The following LINGO2 variants were observed in gnomAD, a reference collection of about 807,000 sequenced individuals.
LINGO2 encodes leucine rich repeat and Ig domain containing 2, also known as leucine-rich repeat and immunoglobulin-like domain-containing nogo receptor-interacting protein 2.
In LINGO2, 14 loss-of-function variants were observed where a neutral mutation model predicts 30.6. The observed-to-expected ratio is 0.46, with a 90% CI of 0.30 to 0.72. LINGO2 has a LOEUF of 0.72. LINGO2 is among the 30% of genes least tolerant of loss of function. The pLI is 0.07. For missense variants in LINGO2, 729 were observed against 751.7 expected, an observed-to-expected ratio of 0.97 and a Z score of 0.35; for synonymous variants, 317 against 288.5, an observed-to-expected ratio of 1.10 and a Z score of -1.00.
At chr9:28,423,941 A>G (rs1461054110) in intron 2 of LINGO2, among the ~76,000 whole-genome samples, 3 of 152,126 alleles carry the variant, frequency 2.0e-5, no homozygotes, top group Admixed American at 1.3e-4. Flanking sequence ...TATTTCCTAA[A>G]TCAGGTTTAA....
At chr9:28,331,473 A>C (rs924334472) in intron 3 of LINGO2, among the ~76,000 whole-genome samples, 2 of 152,128 alleles carry the variant, frequency 1.3e-5, no homozygotes, top group East Asian at 3.9e-4. Context: ...GATGCATATA[A>C]ATTCTTCCCA....
chr9:29,021,536 A>C, the LINGO2 span, among the ~76,000 whole-genome samples: 2 of 152,084 alleles, frequency 1.3e-5, no homozygotes, highest in Non-Finnish European at 2.9e-5. Context: ...GGGCACCTAT[A>C]ATTCCAGCTA....
intron 1 of LINGO2, among the ~76,000 whole-genome samples, chr9:28,497,686 G>T (rs1363790014): frequency 6.6e-6 from 1 of 152,148 alleles, no homozygotes; most frequent in African/African-American, 2.4e-5. Flanking sequence ...ATCCAGCTTT[G>T]TTCCGTTGCT....
Position 28,520,552 on chromosome 9 carries a change from G to A in LINGO2, c.-364-44527C>T, listed in dbSNP as rs112629623. 8.1e-3 allele frequency among the ~76,000 whole-genome samples: 1,227 copies of A among 152,040 alleles called. 18 individuals are homozygous for A. The highest frequency in any genetic ancestry group is 0.028 in the African/African-American group (1,155 of 41,466). On this transcript the variant is annotated intron_variant, in intron 1 of 5. Transcript: ENST00000379992. ...TATTTGAAGATTTTATTGTTGATAC[G>A]TTACTTGTCTGTATCACCCACTAGA...
chr9:28,034,779 T>C (rs1027675352), intron 4 of LINGO2, among the ~76,000 whole-genome samples: 11 of 152,274 alleles, frequency 7.2e-5, no homozygotes, highest in African/African-American at 2.7e-4. Flanking sequence ...ATGTATTTAA[T>C]AATTTAAACT....
At position 28,314,026 on chromosome 9, in the gene LINGO2, C is replaced by T. The variant is rs577762593; in HGVS notation, c.-245-18660G>A. ...TTGGCTCACTGCAGGCTCCACCCCGCGGGGTTCCCGCCATTCTCCTGCCTC... is the reference window on the plus strand; with the variant it reads ...TTGGCTCACTGCAGGCTCCACCCCGTGGGGTTCCCGCCATTCTCCTGCCTC... On this transcript the variant is annotated intron_variant, in intron 3 of 5. Coordinates refer to ENST00000379992, the Ensembl canonical transcript of LINGO2. 3.8e-3 allele frequency among the ~76,000 whole-genome samples: 572 copies of T among 152,180 alleles called. 6 individuals carry two copies. Among genetic ancestry groups the T allele is most frequent in the African/African-American group, 0.013 (524 of 41,560 alleles).
intron 1 of LINGO2, among the ~76,000 whole-genome samples, chr9:28,562,642 G>C (rs1006463504): frequency 4.6e-5 from 7 of 151,884 alleles, no homozygotes; most frequent in African/African-American, 1.4e-4. Flanking sequence ...GCAAAGGAAT[G>C]TGTCTTTATG....
chr9:28,171,372 C>A (rs1828576870), intron 4 of LINGO2, among the ~76,000 whole-genome samples: 1 of 152,096 alleles, frequency 6.6e-6, no homozygotes, highest in Non-Finnish European at 1.5e-5. Flanking sequence ...GTCCTGGCAA[C>A]CAGAACAGTT....
At chr9:28,521,507 GGCA>G (rs1820828583) in intron 1 of LINGO2, among the ~76,000 whole-genome samples, 1 of 152,116 alleles carries the variant, frequency 6.6e-6, no homozygotes, top group Non-Finnish European at 1.5e-5. Flanking sequence ...GTAGGCCTGT[GGCA>G]GCCAATTAGT....
intron 3 of LINGO2, among the ~76,000 whole-genome samples, chr9:28,362,672 G>A (rs948347901): frequency 6.6e-6 from 1 of 151,984 alleles, no homozygotes; most frequent in Admixed American, 6.6e-5. Flanking sequence ...GTTTCTCCAC[G>A]TTGGTCAGGC....
chr9:27,945,445 T>C (rs1295166000), downstream of LINGO2, among the ~76,000 whole-genome samples: 1 of 152,176 alleles, frequency 6.6e-6, no homozygotes, highest in East Asian at 1.9e-4. Context: ...AACTTCTGAA[T>C]GTGTTTTTCC....
intron 2 of LINGO2, among the ~76,000 whole-genome samples, chr9:28,432,959 TGAG>T (rs1823737378): frequency 6.6e-6 from 1 of 151,774 alleles, no homozygotes; most frequent in South Asian, 2.1e-4. Flanking sequence ...AGAGTAGAAA[TGAG>T]GAGGAAATGA....
the LINGO2 span, among the ~76,000 whole-genome samples, chr9:29,123,021 C>A: frequency 3.9e-5 from 6 of 152,028 alleles, no homozygotes; most frequent in African/African-American, 1.4e-4. Context: ...ATTTATAATT[C>A]ATTTCCAAGT....
intron 4 of LINGO2, among the ~76,000 whole-genome samples, chr9:28,118,099 G>A (rs1231950940): frequency 6.6e-6 from 1 of 151,984 alleles, no homozygotes; most frequent in Admixed American, 6.6e-5. Context: ...AGTAGGGGAG[G>A]GAGAGTATTA....
exon 6 of LINGO2, chr9:27,949,110 G>A: frequency 6.2e-7 from 1 of 1,614,170 alleles, no homozygotes; most frequent in Non-Finnish European, 8.5e-7. Flanking sequence ...GGTGTCATTG[G>A]AGTCGGTCAT....
intron 3 of LINGO2, among the ~76,000 whole-genome samples, chr9:28,368,274 T>C (rs1820754697): frequency 6.6e-6 from 1 of 152,204 alleles, no homozygotes; most frequent in Non-Finnish European, 1.5e-5. Flanking sequence ...CCTCTAAGGC[T>C]GATTGGAATC....
At chr9:28,762,807 C>G in the LINGO2 span, among the ~76,000 whole-genome samples, 2 of 151,990 alleles carry the variant, frequency 1.3e-5, no homozygotes, top group Admixed American at 6.6e-5. Flanking sequence ...GCCCCAATAC[C>G]TTGTCTTTTG....
intron 1 of LINGO2, among the ~76,000 whole-genome samples, chr9:28,600,346 T>C (rs768029723): frequency 6.6e-6 from 1 of 152,178 alleles, no homozygotes; most frequent in South Asian, 2.1e-4. Context: ...CAATATTGCA[T>C]TCATGACACG....
chr9:29,209,644 C>T, the LINGO2 span, among the ~76,000 whole-genome samples: 1 of 152,096 alleles, frequency 6.6e-6, no homozygotes, highest in Non-Finnish European at 1.5e-5. Flanking sequence ...TTCCTTACCC[C>T]AAACCCTTTT....
Sources: allele counts gnomAD v4.1 joint callset (sites outside exome capture counted in the v4.1 genomes callset), GRCh38; gene constraint gnomAD v4.1.1; transcripts MANE v1.5; gene names NCBI Gene and HGNC (gene_info 2026-07-23, HGNC 2026-07-21).